The following RIMS1 variants were observed in gnomAD, a reference collection of about 807,000 sequenced individuals.
RIMS1 encodes regulating synaptic membrane exocytosis protein 1.
Under a neutral mutation model 214.1 loss-of-function variants are expected in RIMS1, and 83 were observed. The ratio of observed to expected loss-of-function variants is 0.39; its 90% CI spans 0.32 to 0.47. The LOEUF (loss-of-function observed/expected upper bound fraction) is 0.47. Among genes scored for constraint, RIMS1 ranks in the 20% least tolerant of loss-of-function variants. The probability of loss-of-function intolerance (pLI) is 0.99; values close to 1 mark genes in which losing one functional copy is unlikely to be tolerated. For synonymous variants in RIMS1, 793 were observed against 786.8 expected, an observed-to-expected ratio of 1.01 and a Z score of -0.13; for missense variants, 2,050 against 2,161.8, an observed-to-expected ratio of 0.95 and a Z score of 1.03.
At chr6:71,910,539 C>G (rs982827745) in intron 1 of RIMS1, among the ~76,000 whole-genome samples, 5 of 152,154 alleles carry the variant, frequency 3.3e-5, no homozygotes, top group Admixed American at 2.6e-4. Flanking sequence ...CTCATTCCTA[C>G]TCACTTTCTA....
At chr6:72,104,556 T>C (rs2034327248) in intron 4 of RIMS1, among the ~76,000 whole-genome samples, 1 of 152,156 alleles carries the variant, frequency 6.6e-6, no homozygotes, top group African/African-American at 2.4e-5. Context: ...AGCCGTTTCC[T>C]CTGGGACTGA....
intron 24 of RIMS1, among the ~76,000 whole-genome samples, chr6:72,288,840 G>T (rs2092843704): frequency 6.6e-6 from 1 of 151,968 alleles, no homozygotes; most frequent in Non-Finnish European, 1.5e-5. Context: ...CAGAGTGGCT[G>T]GGGGCAGGAA....
intron 6 of RIMS1, among the ~76,000 whole-genome samples, chr6:72,229,702 A>G (rs1003117879): frequency 6.6e-6 from 1 of 151,886 alleles, no homozygotes; most frequent in Non-Finnish European, 1.5e-5. Context: ...ATTTCAAAAT[A>G]TATTTTCAGT....
rs181002287 is a variant in RIMS1, at chr6:72,264,800, A to G, written c.3117-175A>G. 1.7e-3 allele frequency among the ~76,000 whole-genome samples: 263 copies of G among 152,270 alleles called. 1 individual carries two copies. The highest frequency in any genetic ancestry group is 5.9e-3 in the African/African-American group (247 of 41,566). ...TATGAAGTCAAGTGTCTATGATTTC[A>G]TATTTTAATAATTGTAGTCTTCCCT... On this transcript the variant is annotated intron_variant, in intron 19 of 33. Transcript: ENST00000521978.
At chr6:72,086,687 C>T (rs995705526) in intron 2 of RIMS1, among the ~76,000 whole-genome samples, 2 of 152,072 alleles carry the variant, frequency 1.3e-5, no homozygotes, top group Admixed American at 6.6e-5. Context: ...TGACAAACAG[C>T]TGGAAAGTTT....
At chr6:72,128,406 T>TA (rs144135677) in intron 4 of RIMS1, among the ~76,000 whole-genome samples, 335 of 151,432 alleles carry the variant, frequency 2.2e-3, no homozygotes, top group African/African-American at 7.3e-3. Context: ...TGTCCTTTTT[T>TA]AAAAAAAAAT....
At chr6:72,178,594 T>C (rs1205355043) in intron 4 of RIMS1, among the ~76,000 whole-genome samples, 2 of 152,198 alleles carry the variant, frequency 1.3e-5, no homozygotes, top group African/African-American at 2.4e-5. Flanking sequence ...ACACCTGAAG[T>C]GCTTTTGGAG....
At position 71,920,433 on chromosome 6, in the gene RIMS1, T is replaced by C. The variant is rs144654668; in HGVS notation, c.164+33246T>C. Reference sequence around the variant, plus strand: ...CTCTCTTTACTATCTTTATAACTTTTTCGTAAACCTAAAATTATTACAAAA... The same window carrying C: ...CTCTCTTTACTATCTTTATAACTTTCTCGTAAACCTAAAATTATTACAAAA... On this transcript the variant is annotated intron_variant, in intron 1 of 33. Coordinates refer to ENST00000521978, the MANE Select transcript of RIMS1 (RefSeq NM_014989.7). Among the ~76,000 whole-genome samples, 442 of 152,312 alleles carry C rather than the reference T, an allele frequency of 2.9e-3. 2 individuals carry two copies. The highest frequency in any genetic ancestry group is 0.01 in the African/African-American group (417 of 41,566).
intron 23 of RIMS1, among the ~76,000 whole-genome samples, chr6:72,279,715 G>A (rs886218691): frequency 6.6e-6 from 1 of 151,984 alleles, no homozygotes; most frequent in African/African-American, 2.4e-5. Context: ...ACATGTGGCA[G>A]AGTCAGCAGA....
intron 2 of RIMS1, among the ~76,000 whole-genome samples, chr6:71,969,384 C>T (rs926895320): frequency 1.3e-5 from 2 of 152,144 alleles, no homozygotes; most frequent in Non-Finnish European, 1.5e-5. Flanking sequence ...GAATATAACA[C>T]CTCAGAGAAG....
intron 2 of RIMS1, among the ~76,000 whole-genome samples, chr6:71,982,021 A>G (rs1457047498): frequency 6.6e-6 from 1 of 151,868 alleles, no homozygotes; most frequent in East Asian, 1.9e-4. Context: ...GATGGATTAT[A>G]TTATCTCCCT....
At chr6:72,040,101 A>G (rs147463410) in intron 2 of RIMS1, among the ~76,000 whole-genome samples, 30 of 152,220 alleles carry the variant, frequency 2.0e-4, no homozygotes, top group African/African-American at 6.7e-4. Context: ...TTATTTTGCT[A>G]CTGTTAGGCT....
intron 6 of RIMS1, 90 bp downstream of exon 6, chr6:72,183,239 G>A (rs960832087): frequency 6.8e-6 from 9 of 1,327,260 alleles, no homozygotes; most frequent in Non-Finnish European, 9.4e-6. Flanking sequence ...GCTGGGTTCA[G>A]CATTGAGGCT....
intron 2 of RIMS1, among the ~76,000 whole-genome samples, chr6:72,033,739 C>A (rs746708317): frequency 6.6e-6 from 1 of 152,136 alleles, no homozygotes; most frequent in East Asian, 1.9e-4. Context: ...GCCTCAGCCT[C>A]CCAAAGTGCT....
Position 72,182,336 on chromosome 6 carries a change from G to T in RIMS1, c.865G>T (p.Glu289Ter). Residue 289 changes from glutamate (E) to a stop codon, truncating the protein, a stop_gained, in exon 6 of 34, where the codon GAG (glutamate) becomes TAG (stop). Coordinates refer to ENST00000521978, the MANE Select transcript of RIMS1 (RefSeq NM_014989.7). LOFTEE classifies it high-confidence loss of function. ...EQNGKGALKS[E>*]RKRVPKTSAQ... ...GAATGGCAAAGGAGCCCTGAAGAGC[G>T]AGCGGAAACGCGTGCCAAAGACCTC... 6.2e-7 allele frequency: 1 copy of T among 1,612,248 alleles called. No homozygotes were observed. Among genetic ancestry groups the T allele is most frequent in the Non-Finnish European group, 8.5e-7 (1 of 1,179,012 alleles).
At chr6:72,328,297 G>T (rs575142019) in intron 28 of RIMS1, among the ~76,000 whole-genome samples, 2 of 151,900 alleles carry the variant, frequency 1.3e-5, no homozygotes, top group East Asian at 3.9e-4. Context: ...GGCCTGTCAG[G>T]GGGTAGGGGG....
chr6:71,992,392 C>CTT, intron 2 of RIMS1, among the ~76,000 whole-genome samples: 1 of 81,752 alleles, frequency 1.2e-5, no homozygotes, highest in South Asian at 4.2e-4. Context: ...TTGCTTCTTT[C>CTT]TTTCTCTCTC....
intron 2 of RIMS1, among the ~76,000 whole-genome samples, chr6:72,081,241 T>TA (rs1833302074): frequency 6.6e-6 from 1 of 152,132 alleles, no homozygotes; most frequent in Admixed American, 6.6e-5. Flanking sequence ...CAAAAATAGA[T>TA]AAAATAGGGT....
intron 6 of RIMS1, among the ~76,000 whole-genome samples, chr6:72,187,678 G>C (rs2049357338): frequency 6.6e-6 from 1 of 151,870 alleles, no homozygotes; most frequent in South Asian, 2.1e-4. Context: ...ATTTTTAGTA[G>C]AGACAGGATT....
Sources: gnomAD v4.1 joint callset for allele counts (sites outside exome capture counted in the v4.1 genomes callset) on GRCh38, gnomAD v4.1.1 for gene constraint, MANE v1.5 for transcripts, NCBI Gene and HGNC (gene_info 2026-07-23, HGNC 2026-07-21) for gene names.